The following NRG1 variants were observed in gnomAD, a reference collection of about 807,000 sequenced individuals.
NRG1 encodes neuregulin 1, also known as pro-neuregulin-1, membrane-bound isoform.
Under a neutral mutation model 63.8 loss-of-function variants are expected in NRG1, and 18 were observed. The ratio of observed to expected loss-of-function variants is 0.28; its 90% CI spans 0.19 to 0.42. NRG1 has a LOEUF of 0.42. Ranked by LOEUF, NRG1 falls within the 10% of genes least tolerant of loss-of-function variation. The probability of loss-of-function intolerance (pLI) is 1.00; values close to 1 mark genes in which losing one functional copy is unlikely to be tolerated. For missense variants in NRG1, 762 were observed against 814.7 expected, an observed-to-expected ratio of 0.94 and a Z score of 0.79; for synonymous variants, 302 against 301.3, an observed-to-expected ratio of 1.00 and a Z score of -0.02.
At chr8:31,910,723 G>A (rs916877604) in intron 1 of NRG1, among the ~76,000 whole-genome samples, 1 of 152,180 alleles carries the variant, frequency 6.6e-6, no homozygotes, top group African/African-American at 2.4e-5. Flanking sequence ...TACAGATTAA[G>A]AATAGGGGAT....
intron 5 of NRG1, among the ~76,000 whole-genome samples, chr8:32,726,274 G>A (rs556638198): frequency 1.3e-5 from 2 of 151,902 alleles, no homozygotes; most frequent in African/African-American, 2.4e-5. Context: ...CCCAAATTAA[G>A]AGCCTTCCCT....
At chr8:31,971,177 A>G (rs2129628908) in intron 1 of NRG1, among the ~76,000 whole-genome samples, 1 of 152,256 alleles carries the variant, frequency 6.6e-6, no homozygotes, top group Non-Finnish European at 1.5e-5. Context: ...TATTCTGGAT[A>G]CAATTCCTTT....
At chr8:32,720,020 T>G (rs1035151508) in intron 5 of NRG1, among the ~76,000 whole-genome samples, 3 of 152,190 alleles carry the variant, frequency 2.0e-5, no homozygotes, top group Non-Finnish European at 2.9e-5. Flanking sequence ...ATGATGTTTT[T>G]TTTTAAATTT....
At chr8:31,800,837 C>CTTTTTTTTTTTTTTTTTTT (rs5890598) in intron 1 of NRG1, among the ~76,000 whole-genome samples, 5 of 105,040 alleles carry the variant, frequency 4.8e-5, no homozygotes, top group African/African-American at 1.9e-4. Context: ...AGTCTCCTTT[C>CTTTTTTTTTTTTTTTTTTT]TTTTTTTTTT....
At chr8:32,550,237 G>C (rs1833864254) in intron 1 of NRG1, among the ~76,000 whole-genome samples, 1 of 152,108 alleles carries the variant, frequency 6.6e-6, no homozygotes. Context: ...CCTCATGAGG[G>C]TGTATTGAAT....
intron 1 of NRG1, among the ~76,000 whole-genome samples, chr8:31,887,443 T>G (rs1830807538): frequency 1.3e-5 from 2 of 151,966 alleles, no homozygotes; most frequent in African/African-American, 2.4e-5. Context: ...GATTTAGGGG[T>G]GGTGTGGATA....
intron 1 of NRG1, among the ~76,000 whole-genome samples, chr8:32,017,813 T>C (rs1242200136): frequency 6.6e-6 from 1 of 152,194 alleles, no homozygotes; most frequent in African/African-American, 2.4e-5. Context: ...CTCCAGCAGT[T>C]GTCTGAACCT....
At chr8:32,691,881 A>G (rs899138873) in intron 5 of NRG1, among the ~76,000 whole-genome samples, 1 of 152,170 alleles carries the variant, frequency 6.6e-6, no homozygotes, top group African/African-American at 2.4e-5. Flanking sequence ...TTGATAATTA[A>G]AAGAGAATTG....
Position 32,203,504 on chromosome 8 carries a change from G to T in NRG1, c.38-392324G>T, listed in dbSNP as rs948161861. Among the ~76,000 whole-genome samples the T allele has an allele frequency of 3.9e-5, 6 of 151,970 alleles. No individual in the cohort carries two copies. The East Asian group carries it at 1.2e-3, about 29-fold the overall frequency. ...TTCTCCTGCCTCAGCCTCCCCAGTA[G>T]CTGGGACTACAGGCACCAGCTAACT... On this transcript the variant is annotated intron_variant, in intron 1 of 10. Coordinates refer to the NRG1 transcript ENST00000519301.
intron 1 of NRG1, among the ~76,000 whole-genome samples, chr8:32,052,056 A>C (rs1395022538): frequency 6.6e-6 from 1 of 152,054 alleles, no homozygotes; most frequent in Non-Finnish European, 1.5e-5. Context: ...GTTATTATCA[A>C]GAGAATGCAA....
chr8:31,904,918 A>G (rs891292966), intron 1 of NRG1, among the ~76,000 whole-genome samples: 1 of 152,118 alleles, frequency 6.6e-6, no homozygotes, highest in Non-Finnish European at 1.5e-5. Context: ...ATCAAATACT[A>G]TGCTTATCAA....
chr8:32,055,552 G>A (rs769399045), intron 1 of NRG1, among the ~76,000 whole-genome samples: 8 of 151,986 alleles, frequency 5.3e-5, no homozygotes, highest in Non-Finnish European at 1.0e-4. Context: ...GACAAATATA[G>A]AACCTAAAGT....
rs1029883959 is a variant in NRG1 at position 32,065,285 on chromosome 8, G to A, written c.37+425854G>A. Among the ~76,000 whole-genome samples the A allele has an allele frequency of 6.6e-5, 10 of 152,190 alleles. 1 individual carries two copies. Among genetic ancestry groups the A allele is most frequent in the African/African-American group, 2.2e-4 (9 of 41,534 alleles). On this transcript the variant is annotated intron_variant, in intron 1 of 10. Coordinates refer to the NRG1 transcript ENST00000519301. The stretch of plus-strand genomic sequence containing the variant: ...TGTTACATATGTATACATGTGCCAT[G>A]TTGGTGTGCTGCACCCATTAACTCA...
chr8:32,311,403 A>C (rs1446307235), intron 1 of NRG1, among the ~76,000 whole-genome samples: 6 of 152,184 alleles, frequency 3.9e-5, no homozygotes, highest in Admixed American at 3.9e-4. Flanking sequence ...GAGATGGCTG[A>C]AGCTGAGAGT....
At chr8:32,158,704 G>A (rs1838459105) in intron 1 of NRG1, among the ~76,000 whole-genome samples, 1 of 151,760 alleles carries the variant, frequency 6.6e-6, no homozygotes, top group African/African-American at 2.4e-5. Context: ...CCCTACCTCT[G>A]CTTCCCTCCC....
chr8:31,726,376 T>A (rs2131331515), intron 1 of NRG1, among the ~76,000 whole-genome samples: 1 of 152,218 alleles, frequency 6.6e-6, no homozygotes, highest in East Asian at 1.9e-4. Context: ...GACCTTGAAG[T>A]TCAATGAGAG....
chr8:32,487,215 CA>C, intron 1 of NRG1, among the ~76,000 whole-genome samples: 1 of 149,692 alleles, frequency 6.7e-6, no homozygotes, highest in Admixed American at 6.6e-5. Flanking sequence ...AAAAAAACCA[CA>C]AAAAACAAAA....
intron 1 of NRG1, among the ~76,000 whole-genome samples, chr8:32,147,829 T>G (rs967681910): frequency 1.2e-4 from 19 of 152,216 alleles, no homozygotes; most frequent in African/African-American, 4.1e-4. Context: ...TAATGGTGGT[T>G]TCCTCTTCTG....
intron 1 of NRG1, among the ~76,000 whole-genome samples, chr8:32,451,029 A>G (rs959326247): frequency 2.0e-5 from 3 of 152,186 alleles, no homozygotes; most frequent in African/African-American, 7.2e-5. Flanking sequence ...AACAAAACAA[A>G]CAGGAAGGAA....
Sources: gnomAD v4.1 joint callset for allele counts (sites outside exome capture counted in the v4.1 genomes callset) on GRCh38, gnomAD v4.1.1 for gene constraint, MANE v1.5 for transcripts, NCBI Gene and HGNC (gene_info 2026-07-23, HGNC 2026-07-21) for gene names.